The following CDH23 variants were observed in gnomAD, a reference collection of about 807,000 sequenced individuals.
CDH23 encodes cadherin-23.
CDH23 carries 189 observed loss-of-function variants against 317.1 expected under a neutral mutation model. That is an observed-to-expected ratio of 0.60 (90% CI 0.53 to 0.67). The LOEUF is 0.67. Ranked by LOEUF, CDH23 falls within the 30% of genes least tolerant of loss-of-function variation. The pLI is 0.00. For missense variants in CDH23, 4,401 were observed against 4,592.4 expected, an observed-to-expected ratio of 0.96 and a Z score of 1.20; for synonymous variants, 1,839 against 1,876.8, an observed-to-expected ratio of 0.98 and a Z score of 0.52.
intron 28 of CDH23, chr10:71,714,220 T>G (rs1012295746): frequency 1.3e-5 from 2 of 152,072 alleles, no homozygotes; most frequent in Admixed American, 1.3e-4. Flanking sequence ...GAGAGAAATC[T>G]TTCTAGAGTC....
At chr10:71,515,382 TCTCTCTCTCTCTCACA>T (rs1373144220) in intron 6 of CDH23, among the ~76,000 whole-genome samples, 1 of 124,676 alleles carries the variant, frequency 8.0e-6, no homozygotes, top group Non-Finnish European at 1.6e-5. Flanking sequence ...TCTCTCTCTC[TCTCTCTCTCTCTCACA>T]CACACACACA....
intron 38 of CDH23, among the ~76,000 whole-genome samples, chr10:71,761,114 T>C (rs1282965396): frequency 6.6e-6 from 1 of 152,102 alleles, no homozygotes; most frequent in African/African-American, 2.4e-5. Flanking sequence ...CTGCCCATTT[T>C]CATGCCACTC....
chr10:71,519,353 C>G (rs1193242353), intron 6 of CDH23, among the ~76,000 whole-genome samples: 1 of 152,238 alleles, frequency 6.6e-6, no homozygotes, highest in African/African-American at 2.4e-5. Context: ...TTTTTCAGCT[C>G]CTTTCTTTTA....
chr10:71,570,180 TC>T (rs1290491281), intron 7 of CDH23, among the ~76,000 whole-genome samples: 6 of 152,010 alleles, frequency 3.9e-5, no homozygotes, highest in South Asian at 2.1e-4. Flanking sequence ...ACCCTGGAGC[TC>T]CCCCTGCTGG....
intron 66 of CDH23, 99 bp downstream of exon 66, chr10:71,812,114 C>A (rs927237517): frequency 1.2e-4 from 186 of 1,606,778 alleles, no homozygotes; most frequent in Non-Finnish European, 1.3e-4. Context: ...CTGCCGAAAC[C>A]CAGGCTGTGG....
rs747293820 is a variant in CDH23 at position 71,615,585 on chromosome 10, T to A, written c.914T>A (p.Leu305Gln). The stretch of plus-strand genomic sequence containing the variant: ...GGCCTGCTGGACCGGGAGAACCCCC[T>A]GTACAGCCATGGCTTCATCCTGACT... ...LNGLLDRENP[L>Q]YSHGFILTVK... Residue 305 changes from leucine (L) to glutamine (Q), a missense_variant, in exon 10 of 70, where the codon CTG (leucine) becomes CAG (glutamine). Physicochemically the swap from Leu to Gln is moderately radical, Grantham distance 113. This residue lies in a region of CDH23 where 3,068 missense variants were observed against 3,203.3 expected (regional missense o/e 0.96). Transcript: ENST00000224721. 1 of 1,613,908 alleles carries A rather than the reference T, an allele frequency of 6.2e-7. No individual in the cohort carries two copies. The highest frequency in any genetic ancestry group is 8.5e-7 in the Non-Finnish European group (1 of 1,179,824).
intron 6 of CDH23, among the ~76,000 whole-genome samples, chr10:71,526,298 C>G (rs895572913): frequency 6.6e-6 from 1 of 152,216 alleles, no homozygotes; most frequent in Non-Finnish European, 1.5e-5. Context: ...TACACTTGCC[C>G]CCACTGCAGC....
chr10:71,568,054 G>A (rs1429850067), intron 7 of CDH23, among the ~76,000 whole-genome samples: 1 of 152,172 alleles, frequency 6.6e-6, no homozygotes, highest in Admixed American at 6.5e-5. Flanking sequence ...TTTGAAAGAT[G>A]GGGTGCCCCC....
At chr10:71,719,313 G>C (rs1032842955) in intron 28 of CDH23, among the ~76,000 whole-genome samples, 10 of 152,192 alleles carry the variant, frequency 6.6e-5, no homozygotes, top group African/African-American at 2.4e-4. Context: ...CTGGAGGGCA[G>C]TTGAAGCCAC....
At chr10:71,483,077 A>T (rs1359409275) in intron 3 of CDH23, among the ~76,000 whole-genome samples, 1 of 152,180 alleles carries the variant, frequency 6.6e-6, no homozygotes, top group Non-Finnish European at 1.5e-5. Flanking sequence ...GTCCTGGCGG[A>T]TGGAGGCAGG....
chr10:71,690,745 T>G (rs75806514), intron 20 of CDH23, among the ~76,000 whole-genome samples, 161 bp downstream of exon 20: 2 of 152,202 alleles, frequency 1.3e-5, no homozygotes, highest in Non-Finnish European at 2.9e-5. Context: ...AATTTGAGTG[T>G]GATTACTGAT....
intron 38 of CDH23, chr10:71,773,589 G>A (rs1840742499): frequency 1.6e-6 from 1 of 637,814 alleles, no homozygotes; most frequent in Non-Finnish European, 2.4e-6. Context: ...CCTTCGCGCA[G>A]CGCCCCCGGG....
chr10:71,601,975 T>C (rs556554794), intron 9 of CDH23, among the ~76,000 whole-genome samples: 1 of 149,840 alleles, frequency 6.7e-6, no homozygotes, highest in Non-Finnish European at 1.5e-5. Flanking sequence ...GGGGGGGCTC[T>C]GCAGCCCCCA....
chr10:71,550,832 T>C (rs1856555599), intron 6 of CDH23, among the ~76,000 whole-genome samples: 2 of 151,968 alleles, frequency 1.3e-5, no homozygotes, highest in Non-Finnish European at 2.9e-5. Context: ...GGGGAAGCTC[T>C]GGGAAGAGAA....
At position 71,807,643 on chromosome 10, in the gene CDH23, A is replaced by G. The variant is rs1388089297; in HGVS notation, c.8436A>G (p.Thr2812=). ...IVKASSNRSW[T]PPRGPSPTLD... ...AGGCCTCCAGCAATCGCAGCTGGACACCTCCCCGTGGACCCTCCCCAACCC... is the reference window on the plus strand; with the variant it reads ...AGGCCTCCAGCAATCGCAGCTGGACGCCTCCCCGTGGACCCTCCCCAACCC... The change falls in exon 59 of 70, where the codon ACA becomes ACG. Residue 2812 remains threonine, a synonymous_variant. Transcript: ENST00000224721. The G allele has an allele frequency of 6.2e-7, 1 of 1,613,710 alleles. No homozygotes were observed. Among genetic ancestry groups the G allele is most frequent in the Non-Finnish European group, 8.5e-7 (1 of 1,179,814 alleles).
rs781369472 is a variant in CDH23 at position 71,675,211 on chromosome 10, G to C, written c.1514+35G>C. 1.9e-4 allele frequency: 294 copies of C among 1,581,600 alleles called. 2 individuals are homozygous for C. Among genetic ancestry groups the C allele is most frequent in the Non-Finnish European group, 3.0e-5 (35 of 1,151,112 alleles). On this transcript the variant is annotated intron_variant, in intron 15 of 69. Coordinates refer to ENST00000224721, the MANE Select transcript of CDH23 (RefSeq NM_022124.6). ...TGCCCACAGCCCCTCAGGCCCCTCC[G>C]CAGTGGTCCTTGGCCCTCCCCAGAC...
At chr10:71,736,231 G>T (rs1393940676) in intron 34 of CDH23, among the ~76,000 whole-genome samples, 1 of 152,244 alleles carries the variant, frequency 6.6e-6, no homozygotes, top group East Asian at 1.9e-4. Context: ...TTCTGCCCTG[G>T]CTTCCTCTGA....
chr10:71,626,289 T>G (rs753530442), intron 11 of CDH23, among the ~76,000 whole-genome samples: 2 of 152,182 alleles, frequency 1.3e-5, no homozygotes, highest in Non-Finnish European at 2.9e-5. Flanking sequence ...GTCCCTGTAC[T>G]GCGCTAACCC....
intron 1 of CDH23, among the ~76,000 whole-genome samples, chr10:71,438,113 G>A (rs1476392175): frequency 6.6e-6 from 1 of 152,064 alleles, no homozygotes; most frequent in African/African-American, 2.4e-5. Context: ...GGCTGAGCCG[G>A]GTGGATCACT....
Sources: allele counts gnomAD v4.1 joint callset (sites outside exome capture counted in the v4.1 genomes callset), GRCh38; gene constraint gnomAD v4.1.1; regional missense constraint gnomAD v4.1.1; transcripts MANE v1.5; gene names NCBI Gene and HGNC (gene_info 2026-07-23, HGNC 2026-07-21).